DMD: variants seen among roughly 807,000 people sequenced by gnomAD.
The protein encoded by DMD is dystrophin, also known as mutant dystrophin.
In DMD, 63 loss-of-function variants were observed where a neutral mutation model predicts 330.1. The observed-to-expected ratio is 0.19, with a 90% CI of 0.16 to 0.24. The LOEUF (loss-of-function observed/expected upper bound fraction) is 0.24. DMD is among the 10% of genes least tolerant of loss of function. DMD has a pLI of 1.00. For missense variants in DMD, 3,344 were observed against 2,684.1 expected, an observed-to-expected ratio of 1.25 and a Z score of -5.43; for synonymous variants, 1,223 against 959.8, an observed-to-expected ratio of 1.27 and a Z score of -5.07.
intron 7 of DMD, among the ~76,000 whole-genome samples, chrX:32,751,623 G>A (rs1260340880): frequency 1.8e-5 from 2 of 112,382 alleles, no homozygotes; most frequent in Admixed American, 1.9e-4. Flanking sequence ...AGAAATTCAC[G>A]CCCACTGCAG....
intron 57 of DMD, among the ~76,000 whole-genome samples, chrX:31,495,002 C>T (rs1768782168): frequency 1.8e-5 from 2 of 111,814 alleles, no homozygotes; most frequent in South Asian, 7.5e-4. Flanking sequence ...TATATGTACA[C>T]CAGAGTGTTT....
At chrX:32,516,561 C>A (rs908445231) in intron 18 of DMD, 2 of 111,555 alleles carry the variant, frequency 1.8e-5, no homozygotes, top group Admixed American at 1.9e-4. Context: ...TCAAAGCTGT[C>A]TTAAGATAAA....
intron 7 of DMD, among the ~76,000 whole-genome samples, chrX:32,717,527 G>A (rs1477920924): frequency 8.9e-6 from 1 of 112,014 alleles, no homozygotes; most frequent in Non-Finnish European, 1.9e-5. Flanking sequence ...GTAGAAGTCT[G>A]CTGCAGCGGG....
intron 7 of DMD, among the ~76,000 whole-genome samples, chrX:32,709,406 T>C (rs755520398): frequency 8.9e-6 from 1 of 112,005 alleles, no homozygotes; most frequent in East Asian, 2.8e-4. Context: ...AGATTGATTT[T>C]CATTAAAATG....
chrX:32,747,420 C>G (rs1027787072), intron 7 of DMD, among the ~76,000 whole-genome samples: 1 of 111,630 alleles, frequency 9.0e-6, no homozygotes, highest in African/African-American at 3.3e-5. Context: ...CATCCTTAGA[C>G]ATACTCAATC....
At chrX:31,967,875 G>A (rs1300360860) in intron 45 of DMD, among the ~76,000 whole-genome samples, 2 of 111,639 alleles carry the variant, frequency 1.8e-5, no homozygotes, top group Non-Finnish European at 3.8e-5. Context: ...TCCCCTTCAA[G>A]AATGTATTCA....
At chrX:32,812,622 G>A (rs2077453369) in intron 6 of DMD, among the ~76,000 whole-genome samples, 1 of 112,254 alleles carries the variant, frequency 8.9e-6, no homozygotes. Flanking sequence ...AACAGAGCGA[G>A]ACTCCGTCTC....
intron 2 of DMD, among the ~76,000 whole-genome samples, chrX:32,984,845 T>A (rs1431010175): frequency 9.0e-6 from 1 of 111,598 alleles, no homozygotes; most frequent in African/African-American, 3.3e-5. Flanking sequence ...ACTTACATAG[T>A]GTACTGCTTG....
At chrX:32,547,669 A>G (rs190966671) in intron 16 of DMD, among the ~76,000 whole-genome samples, 240 of 111,485 alleles carry the variant, frequency 2.2e-3, no homozygotes, top group African/African-American at 7.3e-3. Context: ...GTTATTGACT[A>G]TAACTATTAT....
At chrX:32,220,929 A>C (rs2097129870) in intron 43 of DMD, among the ~76,000 whole-genome samples, 1 of 111,855 alleles carries the variant, frequency 8.9e-6, no homozygotes, top group Non-Finnish European at 1.9e-5. Flanking sequence ...CAGTATAAAC[A>C]TAAGGATAAT....
chrX:31,934,211 T>C (rs778874254), intron 45 of DMD, among the ~76,000 whole-genome samples: 5 of 111,792 alleles, frequency 4.5e-5, no homozygotes, highest in Non-Finnish European at 7.5e-5. Context: ...AGCATGAAGA[T>C]AGATCAGCAT....
chrX:31,677,564 A>G (rs1214091182), intron 53 of DMD, among the ~76,000 whole-genome samples: 3 of 112,363 alleles, frequency 2.7e-5, no homozygotes, highest in Non-Finnish European at 5.6e-5. Flanking sequence ...GAATAACCAC[A>G]TGATTCTATA....
At chrX:31,983,345 T>C (rs771465514) in intron 44 of DMD, among the ~76,000 whole-genome samples, 12 of 111,522 alleles carry the variant, frequency 1.1e-4, no homozygotes, top group Non-Finnish European at 2.1e-4. Flanking sequence ...CAATATTTCA[T>C]TTATAGTTTG....
chrX:32,075,873 AC>A (rs1310234363), intron 44 of DMD, among the ~76,000 whole-genome samples: 1 of 107,080 alleles, frequency 9.3e-6, no homozygotes, highest in Non-Finnish European at 1.9e-5. Context: ...ACATGGTGAA[AC>A]CCCGTCTCCA....
chrX:31,456,864 GTGTGTGTGTGTGTATATA>G (rs1223725735), intron 59 of DMD, among the ~76,000 whole-genome samples: 5 of 100,410 alleles, frequency 5.0e-5, no homozygotes, highest in African/African-American at 1.9e-4. Context: ...GTGTGTGTGT[GTGTGTGTGTGTGTATATA>G]TATATATATT....
chrX:31,607,594 T>C (rs2077677220), intron 55 of DMD, among the ~76,000 whole-genome samples: 1 of 112,530 alleles, frequency 8.9e-6, no homozygotes, highest in Non-Finnish European at 1.9e-5. Flanking sequence ...TGAATTGACT[T>C]GGCTGTGTCT....
chrX:31,700,385 T>G (rs1027060486), intron 52 of DMD, among the ~76,000 whole-genome samples: 1 of 110,919 alleles, frequency 9.0e-6, no homozygotes, highest in Non-Finnish European at 1.9e-5. Flanking sequence ...TGGAGAGGAG[T>G]TGGAAATGGA....
intron 13 of DMD, among the ~76,000 whole-genome samples, chrX:32,575,904 T>A (rs1188175568): frequency 8.9e-6 from 1 of 112,019 alleles, no homozygotes; most frequent in Non-Finnish European, 1.9e-5. Context: ...ATATATAGCA[T>A]CTTCTCTCTA....
chrX:33,192,341 C>T (rs1372569309), intron 1 of DMD, among the ~76,000 whole-genome samples: 1 of 112,047 alleles, frequency 8.9e-6, no homozygotes. Flanking sequence ...AATAAGATGT[C>T]AAAAATCATG....
Sources: allele counts gnomAD v4.1 joint callset (sites outside exome capture counted in the v4.1 genomes callset), GRCh38; gene constraint gnomAD v4.1.1; transcripts MANE v1.5; gene names NCBI Gene and HGNC (gene_info 2026-07-23, HGNC 2026-07-21).